Variants in AGMO observed in about 807,000 individuals in gnomAD.
AGMO encodes glyceryl-ether monooxygenase.
In AGMO, 75 loss-of-function variants were observed where a neutral mutation model predicts 60.2. The observed-to-expected ratio is 1.25, with a 90% CI of 1.03 to 1.51. The LOEUF (loss-of-function observed/expected upper bound fraction) is 1.51, where lower values mean the gene tolerates loss of function less well. AGMO is among the 40% of genes most tolerant of loss of function. The pLI is 0.00. For synonymous variants in AGMO, 261 were observed against 177.1 expected (o/e 1.47, Z -3.76); for missense variants, 763 against 525.5 (o/e 1.45, Z -4.42).
intron 12 of AGMO, among the ~76,000 whole-genome samples, chr7:15,302,264 C>A (rs1780467783): frequency 6.6e-6 from 1 of 152,000 alleles, no homozygotes; most frequent in Admixed American, 6.6e-5. Context: ...AATAAACATT[C>A]TTTGGGAAAA....
At chr7:15,233,255 A>G (rs1246422511) in intron 12 of AGMO, among the ~76,000 whole-genome samples, 1 of 152,196 alleles carries the variant, frequency 6.6e-6, no homozygotes, top group Non-Finnish European at 1.5e-5. Flanking sequence ...GCATGTTAAA[A>G]TCTGTAAGGT....
chr7:15,502,663 G>A (rs1783417112), intron 3 of AGMO, among the ~76,000 whole-genome samples: 1 of 152,026 alleles, frequency 6.6e-6, no homozygotes, highest in African/African-American at 2.4e-5. Flanking sequence ...GAAGACCTCA[G>A]TTTGGCAACT....
chr7:15,338,196 A>T (rs2128547697), intron 12 of AGMO, among the ~76,000 whole-genome samples: 1 of 152,320 alleles, frequency 6.6e-6, no homozygotes, highest in East Asian at 1.9e-4. Context: ...AAAATAAATC[A>T]TTTTAAAATA....
chr7:15,434,633 G>T (rs1247143068), intron 3 of AGMO, among the ~76,000 whole-genome samples: 1 of 152,208 alleles, frequency 6.6e-6, no homozygotes, highest in Admixed American at 6.5e-5. Context: ...AGAGAGTTTG[G>T]ATGCAGATCC....
intron 11 of AGMO, 144 bp from the exon 12 acceptor site, chr7:15,365,763 A>T: frequency 1.6e-6 from 1 of 618,202 alleles, no homozygotes; most frequent in Non-Finnish European, 2.7e-6. Flanking sequence ...AAGCAATTTG[A>T]AAACAGTGAT....
At chr7:15,316,460 ATCTACTCAG>A (rs1361631694) in intron 12 of AGMO, among the ~76,000 whole-genome samples, 1 of 152,104 alleles carries the variant, frequency 6.6e-6, no homozygotes, top group African/African-American at 2.4e-5. Flanking sequence ...TGAAACAAAG[ATCTACTCAG>A]TCAAGGTGAT....
chr7:15,366,430 T>C (rs1404733159), intron 10 of AGMO, among the ~76,000 whole-genome samples: 1 of 152,118 alleles, frequency 6.6e-6, no homozygotes, highest in African/African-American at 2.4e-5. Flanking sequence ...AATTAGACAA[T>C]TCCATAATGA....
At chr7:15,320,913 G>A (rs1165381482) in intron 12 of AGMO, among the ~76,000 whole-genome samples, 1 of 152,110 alleles carries the variant, frequency 6.6e-6, no homozygotes, top group Admixed American at 6.6e-5. Context: ...TTTAACTGTT[G>A]TGTGACTTGC....
chr7:15,143,861 A>G, the AGMO span, among the ~76,000 whole-genome samples: 1 of 152,184 alleles, frequency 6.6e-6, no homozygotes, highest in East Asian at 1.9e-4. Context: ...AGTACTAATC[A>G]TTTTGTGAAT....
intron 3 of AGMO, among the ~76,000 whole-genome samples, chr7:15,530,998 CT>C (rs1562556420): frequency 4.4e-5 from 4 of 90,132 alleles, no homozygotes; most frequent in Admixed American, 1.7e-4. Context: ...TATATATATT[CT>C]ATATATTCTA....
intron 5 of AGMO, among the ~76,000 whole-genome samples, chr7:15,410,200 T>C (rs1477494067): frequency 6.6e-6 from 1 of 151,702 alleles, no homozygotes; most frequent in African/African-American, 2.4e-5. Flanking sequence ...TTTTCCACCA[T>C]TTAACTTTTT....
intron 8 of AGMO, among the ~76,000 whole-genome samples, chr7:15,388,927 A>G (rs1470858789): frequency 1.3e-5 from 2 of 152,212 alleles, no homozygotes; most frequent in Non-Finnish European, 2.9e-5. Context: ...GTGAGGGGGA[A>G]AGACCTAGAG....
At chr7:15,484,186 A>C (rs528109642) in intron 3 of AGMO, among the ~76,000 whole-genome samples, 1 of 152,316 alleles carries the variant, frequency 6.6e-6, no homozygotes, top group East Asian at 1.9e-4. Context: ...GGCTTAAAAG[A>C]AAATAAAATA....
chr7:15,128,622 T>C, the AGMO span, among the ~76,000 whole-genome samples: 2 of 152,038 alleles, frequency 1.3e-5, no homozygotes, highest in Non-Finnish European at 2.9e-5. Flanking sequence ...AAAGTAAAAG[T>C]ATATAAGTAT....
rs184717165 is a variant in AGMO at position 15,289,820 on chromosome 7, A to G, written c.1263+75694T>C. On this transcript the variant is annotated intron_variant, in intron 12 of 12. Transcript: ENST00000342526. ...TTTAAATAATTACATTCATTATAGT[A>G]AAAGGTAAATAAATGAGTATTCTCT... 2.2e-3 allele frequency among the ~76,000 whole-genome samples: 331 copies of G among 152,162 alleles called. 1 individual carries two copies. The highest frequency in any genetic ancestry group is 7.8e-3 in the African/African-American group (323 of 41,536).
At chr7:15,207,461 T>A (rs910481101) in intron 12 of AGMO, among the ~76,000 whole-genome samples, 1 of 152,234 alleles carries the variant, frequency 6.6e-6, no homozygotes. Flanking sequence ...ACTACTAGAT[T>A]CTTGCCTTTC....
rs370370511 is a variant in AGMO at position 15,286,716 on chromosome 7, C to A, written c.1263+78798G>T. ...TCTAGCATTGTATCCAGCAATCCCA[C>A]TACTGGGTATCTCTCCAAAGGAAAA... is the stretch of plus-strand genomic sequence containing the variant. On this transcript the variant is annotated intron_variant, in intron 12 of 12. Coordinates refer to ENST00000342526, the MANE Select transcript of AGMO (RefSeq NM_001004320.2). Among the ~76,000 whole-genome samples the A allele has an allele frequency of 1.6e-4, 24 of 152,202 alleles. No individual in the cohort carries two copies. The East Asian group carries it at 4.2e-3, about 27-fold the overall frequency.
rs575378151 is a variant in AGMO at position 15,418,589 on chromosome 7, T to C, written c.578A>G (p.Asn193Ser). The C allele has an allele frequency of 5.0e-6, 8 of 1,589,878 alleles. No individual in the cohort carries two copies. Among genetic ancestry groups the C allele is most frequent in the Admixed American group, 3.7e-5 (2 of 54,644 alleles). Reference sequence around the variant, plus strand: ...ATGGATCCAAAATTGGTAAAGAAGATTGAATTGAAGATGAACAGCATATAC... The same window carrying C: ...ATGGATCCAAAATTGGTAAAGAAGACTGAATTGAAGATGAACAGCATATAC... The part of the protein sequence containing the change: ...PSVYAVHLQF[N>S]LLYQFWIHTE... The change falls in exon 5 of 13, where the codon AAT becomes AGT. Residue 193 changes from asparagine (N) to serine (S), a missense_variant. By Grantham distance (46) the Asn-to-Ser change is conservative. Transcript: ENST00000342526.
At position 15,273,918 on chromosome 7, in the gene AGMO, G is replaced by A. The variant is rs1434440877; in HGVS notation, c.1264-72559C>T. On this transcript the variant is annotated intron_variant, in intron 12 of 12. Coordinates refer to ENST00000342526, the MANE Select transcript of AGMO (RefSeq NM_001004320.2). ...GGGAGTTCTATCATGATTTGGCTCT[G>A]TGTTTGTCTGTTATTTGTGTATAAG... Among the ~76,000 whole-genome samples, 4 of 151,972 alleles carry A rather than the reference G, an allele frequency of 2.6e-5. No individual in the cohort carries two copies. In the East Asian group the frequency reaches 7.7e-4, roughly 29 times the overall value.
Sources: gnomAD v4.1 joint callset for allele counts (sites outside exome capture counted in the v4.1 genomes callset) on GRCh38, gnomAD v4.1.1 for gene constraint, MANE v1.5 for transcripts, NCBI Gene and HGNC (gene_info 2026-07-23, HGNC 2026-07-21) for gene names.